Variants in ABLIM3 observed in about 807,000 individuals in gnomAD.
ABLIM3 encodes actin binding LIM protein family member 3.
Under a neutral mutation model 109.5 loss-of-function variants are expected in ABLIM3, and 61 were observed. The ratio of observed to expected loss-of-function variants is 0.56; its 90% CI spans 0.45 to 0.69. The LOEUF is 0.69. ABLIM3 is among the 30% of genes least tolerant of loss of function. The probability of loss-of-function intolerance (pLI) is 0.00; values close to 1 mark genes in which losing one functional copy is unlikely to be tolerated. For missense variants in ABLIM3, 796 were observed against 889.5 expected, an observed-to-expected ratio of 0.89 and a Z score of 1.34; for synonymous variants, 300 against 324.8, an observed-to-expected ratio of 0.92 and a Z score of 0.82.
chr5:149,206,837 C>G (rs920473012), intron 5 of ABLIM3, among the ~76,000 whole-genome samples, 171 bp from the exon 6 acceptor site: 1 of 151,806 alleles, frequency 6.6e-6, no homozygotes, highest in Non-Finnish European at 1.5e-5. Flanking sequence ...GGCCAGGACT[C>G]CAGTGGCTTT....
rs1238586995 is a variant in ABLIM3, at chr5:149,246,508, G to A, written c.1513G>A (p.Gly505Arg). Residue 505 changes from glycine to arginine, a missense_variant, in exon 17 of 24, where the codon GGA becomes AGA. Gly to Arg is a moderately radical substitution (Grantham distance 125). Coordinates refer to ENST00000309868, the MANE Select transcript of ABLIM3 (RefSeq NM_014945.5). ...GCCCCGAGCCAGAAGGTTCTCGTCT[G>A]GAGGAGAGGAGGATGATTTTGACCG... ...KVPRARRFSS[G>R]GEEDDFDRSM... The A allele has an allele frequency of 3.1e-6, 5 of 1,613,930 alleles. No homozygotes were observed. Among genetic ancestry groups the A allele is most frequent in the Admixed American group, 3.3e-5 (2 of 59,974 alleles).
intron 8 of ABLIM3, among the ~76,000 whole-genome samples, chr5:149,224,045 A>AT (rs1361816594): frequency 2.6e-5 from 4 of 152,088 alleles, no homozygotes. Context: ...TATTATCAGC[A>AT]TTTTTAAGAA....
intron 2 of ABLIM3, among the ~76,000 whole-genome samples, chr5:149,149,601 A>G (rs1415387861): frequency 2.0e-5 from 3 of 152,150 alleles, no homozygotes; most frequent in African/African-American, 7.2e-5. Context: ...AGTTCAGAAA[A>G]CGTCTCGGGC....
chr5:149,203,461 G>T (rs889204801), intron 5 of ABLIM3, among the ~76,000 whole-genome samples: 1 of 150,466 alleles, frequency 6.6e-6, no homozygotes, highest in Non-Finnish European at 1.5e-5. Context: ...CTCCACCATC[G>T]TCACCATCAT....
chr5:149,215,794 G>A (rs561331436), intron 7 of ABLIM3, among the ~76,000 whole-genome samples: 2 of 152,116 alleles, frequency 1.3e-5, no homozygotes, highest in South Asian at 2.1e-4. Context: ...TGCTGGAGCC[G>A]CCGCTGAAGT....
chr5:149,217,219 C>G, intron 8 of ABLIM3, 173 bp downstream of exon 8: 1 of 646,412 alleles, frequency 1.5e-6, no homozygotes. Context: ...GGAAGGTTGC[C>G]GGTGTGGCTA....
At chr5:149,179,058 T>A (rs932846525) in intron 2 of ABLIM3, among the ~76,000 whole-genome samples, 2 of 152,204 alleles carry the variant, frequency 1.3e-5, no homozygotes, top group African/African-American at 4.8e-5. Flanking sequence ...TTTACTGTTG[T>A]GTTCAACTCC....
chr5:149,161,377 A>G (rs901102524), intron 2 of ABLIM3, among the ~76,000 whole-genome samples: 10 of 152,122 alleles, frequency 6.6e-5, no homozygotes, highest in Non-Finnish European at 1.3e-4. Context: ...TACTTCCTCC[A>G]TGGCCAAAAT....
rs10062234 is a variant in ABLIM3, at chr5:149,173,186, G to C, written c.14-10266G>C. Among the ~76,000 whole-genome samples the C allele has an allele frequency of 7.8e-3, 1,187 of 152,300 alleles. 20 individuals are homozygous for C. The highest frequency in any genetic ancestry group is 0.027 in the African/African-American group (1,110 of 41,570). On this transcript the variant is annotated intron_variant, in intron 2 of 23. Coordinates refer to ENST00000309868, the MANE Select transcript of ABLIM3 (RefSeq NM_014945.5). ...CAGCAGTTCAGATTTCTGTGGGAAG[G>C]GTTCTGTCACATGGCGTGATCACTT...
chr5:149,147,687 T>C (rs1178044524), intron 2 of ABLIM3, among the ~76,000 whole-genome samples: 1 of 152,224 alleles, frequency 6.6e-6, no homozygotes, highest in Admixed American at 6.5e-5. Flanking sequence ...CTGTGGTCTT[T>C]GAGCAGTGAT....
rs111273635 is a variant in ABLIM3, at chr5:149,249,845, G to T, written c.1729+1G>T. Reference sequence around the variant, plus strand: ...CGGTCGCACTACCTGGCTGACAGTGGTAAGTTCTACCTGCCCTACCTTCAG... The same window carrying T: ...CGGTCGCACTACCTGGCTGACAGTGTTAAGTTCTACCTGCCCTACCTTCAG... On this transcript the variant is annotated splice_donor_variant, in intron 19 of 23. Transcript: ENST00000309868. LOFTEE classifies it high-confidence loss of function. 6.2e-7 allele frequency: 1 copy of T among 1,614,196 alleles called. No homozygotes were observed. Among genetic ancestry groups the T allele is most frequent in the East Asian group, 2.2e-5 (1 of 44,882 alleles).
At chr5:149,210,123 C>T (rs1759393304) in intron 6 of ABLIM3, among the ~76,000 whole-genome samples, 1 of 152,190 alleles carries the variant, frequency 6.6e-6, no homozygotes, top group South Asian at 2.1e-4. Context: ...CTCCTCTCAG[C>T]AATCATGGCC....
chr5:149,241,619 C>G (rs10054993), intron 14 of ABLIM3, among the ~76,000 whole-genome samples: 6,342 of 152,240 alleles, frequency 0.042, 452 homozygotes, highest in African/African-American at 0.14. Context: ...ATTAGCTGGG[C>G]ATGGTGGCTT....
chr5:149,233,010 A>G (rs550692842), intron 9 of ABLIM3, among the ~76,000 whole-genome samples: 2 of 152,196 alleles, frequency 1.3e-5, no homozygotes, highest in Non-Finnish European at 2.9e-5. Flanking sequence ...TAGAAAATAA[A>G]TCCATATTCC....
chr5:149,235,190 T>C (rs1762227439), intron 10 of ABLIM3, among the ~76,000 whole-genome samples: 1 of 152,202 alleles, frequency 6.6e-6, no homozygotes, highest in African/African-American at 2.4e-5. Context: ...GAACATGTCA[T>C]AGAAGCCCTG....
chr5:149,258,286 T>C lies in ABLIM3; in HGVS notation c.1939-5T>C. On this transcript the variant is annotated splice_polypyrimidine_tract_variant and splice_region_variant and intron_variant, in intron 23 of 23. Coordinates refer to ENST00000309868, the MANE Select transcript of ABLIM3 (RefSeq NM_014945.5). ...CCCCACCCCCGCCTGCCCTGCCTCC[T>C]TCAGCGCCACCTGTCCCAGGAAGAG... is the stretch of plus-strand genomic sequence containing the variant. 6.4e-7 allele frequency: 1 copy of C among 1,563,886 alleles called. No homozygotes were observed.
At chr5:149,231,041 A>G (rs923997662) in intron 9 of ABLIM3, among the ~76,000 whole-genome samples, 3 of 152,136 alleles carry the variant, frequency 2.0e-5, no homozygotes, top group Non-Finnish European at 2.9e-5. Flanking sequence ...GCCTAAGGTC[A>G]CTCGTTAATA....
intron 2 of ABLIM3, among the ~76,000 whole-genome samples, chr5:149,168,093 G>A (rs1217740895): frequency 6.6e-6 from 1 of 152,160 alleles, no homozygotes; most frequent in Non-Finnish European, 1.5e-5. Flanking sequence ...AACCAAAAAT[G>A]TCTTCAGGCA....
chr5:149,156,785 G>A (rs76809342), intron 2 of ABLIM3, among the ~76,000 whole-genome samples: 1,545 of 152,332 alleles, frequency 0.01, 35 homozygotes, highest in African/African-American at 0.036. Flanking sequence ...GGATTTGCAA[G>A]CCACACAGTC....
Sources: allele counts gnomAD v4.1 joint callset (sites outside exome capture counted in the v4.1 genomes callset), GRCh38; gene constraint gnomAD v4.1.1; transcripts MANE v1.5; gene names NCBI Gene and HGNC (gene_info 2026-07-23, HGNC 2026-07-21).